Variants in GPHN observed in about 807,000 individuals in gnomAD.
The protein encoded by GPHN is gephyrin.
A neutral mutation model predicts 95.5 loss-of-function variants in GPHN; 17 were observed. The ratio of observed to expected loss-of-function variants is 0.18; its 90% CI spans 0.12 to 0.27. The LOEUF is 0.27. Among genes scored for constraint, GPHN ranks in the 10% least tolerant of loss-of-function variants. GPHN has a pLI of 1.00. For synonymous variants in GPHN, 320 were observed against 322.5 expected (o/e 0.99, Z 0.08); for missense variants, 660 against 978.1 (o/e 0.67, Z 4.34).
At position 66,802,301 on chromosome 14, in the gene GPHN, C is replaced by A. The variant is rs146293810; in HGVS notation, c.202-22173C>A. Reference sequence around the variant, plus strand: ...CTACCTCAGATATTTCCTTAAGGCCCAAAGGCTCTTCTATCAGTCTGTGGT... The same window carrying A: ...CTACCTCAGATATTTCCTTAAGGCCAAAAGGCTCTTCTATCAGTCTGTGGT... On this transcript the variant is annotated intron_variant, in intron 3 of 22. Coordinates refer to ENST00000478722, the MANE Select transcript of GPHN (RefSeq NM_020806.5). 5.3e-5 allele frequency among the ~76,000 whole-genome samples: 8 copies of A among 152,268 alleles called. No homozygotes were observed. The East Asian group carries it at 1.5e-3, about 29-fold the overall frequency.
At chr14:66,760,594 C>A in intron 2 of GPHN, 3 of 386,462 alleles carry the variant, frequency 7.8e-6, no homozygotes, top group South Asian at 4.5e-5. Context: ...GCATGATGTT[C>A]ATCCACAATG....
intron 2 of GPHN, among the ~76,000 whole-genome samples, chr14:66,719,257 A>G (rs751343931): frequency 1.3e-5 from 2 of 152,174 alleles, no homozygotes; most frequent in Non-Finnish European, 2.9e-5. Flanking sequence ...AGATCCCTGT[A>G]ATGCCAGACA....
chr14:67,508,054 C>T, the GPHN span, among the ~76,000 whole-genome samples: 7 of 151,280 alleles, frequency 4.6e-5, no homozygotes, highest in South Asian at 1.5e-3. Flanking sequence ...AGGAGAATTG[C>T]TTGAACCCGG....
the GPHN span, among the ~76,000 whole-genome samples, chr14:67,699,237 G>A: frequency 2.0e-5 from 3 of 150,502 alleles, no homozygotes; most frequent in Non-Finnish European, 4.4e-5. Context: ...TGGGCGACAA[G>A]AGCGAGACTC....
the GPHN span, among the ~76,000 whole-genome samples, chr14:67,541,474 C>T: frequency 6.6e-6 from 1 of 152,244 alleles, no homozygotes; most frequent in African/African-American, 2.4e-5. Context: ...GTGCAGAGCA[C>T]AGGGTCAGGC....
chr14:66,873,963 C>A (rs1432993413), intron 4 of GPHN, among the ~76,000 whole-genome samples: 1 of 152,210 alleles, frequency 6.6e-6, no homozygotes, highest in East Asian at 1.9e-4. Context: ...GACTAGGAAA[C>A]ACCTCCCAGC....
At chr14:66,576,808 T>A (rs914896546) in intron 1 of GPHN, among the ~76,000 whole-genome samples, 1 of 152,232 alleles carries the variant, frequency 6.6e-6, no homozygotes, top group African/African-American at 2.4e-5. Flanking sequence ...CTGTATTTAA[T>A]TACTGAAAGA....
chr14:67,300,106 C>T, the GPHN span, among the ~76,000 whole-genome samples: 1 of 152,002 alleles, frequency 6.6e-6, no homozygotes, highest in African/African-American at 2.4e-5. Flanking sequence ...TTTGCTGTGC[C>T]GTCCTGTTTA....
chr14:67,642,802 T>TC, the GPHN span, among the ~76,000 whole-genome samples: 2 of 124,706 alleles, frequency 1.6e-5, no homozygotes, highest in East Asian at 4.7e-4. Context: ...TCTTTTTTTT[T>TC]TTTTTTTTTT....
At chr14:66,919,810 T>C (rs1412637710) in intron 6 of GPHN, among the ~76,000 whole-genome samples, 1 of 152,086 alleles carries the variant, frequency 6.6e-6, no homozygotes, top group Non-Finnish European at 1.5e-5. Flanking sequence ...CTCAGGTCTG[T>C]AATCCCAGCA....
chr14:67,341,335 A>G, the GPHN span, among the ~76,000 whole-genome samples: 4 of 149,548 alleles, frequency 2.7e-5, no homozygotes, highest in Admixed American at 1.3e-4. Context: ...CCCGTCTGAG[A>G]AGTGAGGAGA....
intron 4 of GPHN, among the ~76,000 whole-genome samples, chr14:66,845,809 A>C (rs1034354339): frequency 4.1e-5 from 6 of 147,610 alleles, no homozygotes; most frequent in African/African-American, 1.6e-4. Context: ...TAATGTGCAC[A>C]TACATGCCTC....
At chr14:67,196,248 C>CTTTTTTTTTTTTTTTTT in the GPHN span, among the ~76,000 whole-genome samples, 1 of 137,448 alleles carries the variant, frequency 7.3e-6, no homozygotes, top group Non-Finnish European at 1.6e-5. Context: ...TGGAGTTTTG[C>CTTTTTTTTTTTTTTTTT]TCTTGTCGCC....
chr14:67,581,554 C>A, the GPHN span: 1 of 166,068 alleles, frequency 6.0e-6, no homozygotes, highest in Admixed American at 5.6e-5. Context: ...GAAAATAGAC[C>A]AACCTCATGG....
the GPHN span, among the ~76,000 whole-genome samples, chr14:67,396,745 A>G: frequency 6.6e-6 from 1 of 152,190 alleles, no homozygotes; most frequent in East Asian, 1.9e-4. Flanking sequence ...TTTCCTCTTC[A>G]GGGATAAAGG....
At chr14:66,699,248 C>T (rs974218634) in intron 2 of GPHN, among the ~76,000 whole-genome samples, 2 of 151,922 alleles carry the variant, frequency 1.3e-5, no homozygotes, top group African/African-American at 4.8e-5. Context: ...ATATCTAATG[C>T]TAAATGATGA....
At chr14:67,079,368 T>A (rs965253060) in intron 11 of GPHN, among the ~76,000 whole-genome samples, 2 of 152,044 alleles carry the variant, frequency 1.3e-5, no homozygotes, top group African/African-American at 4.8e-5. Flanking sequence ...TTAGAACATT[T>A]TCATTAATTC....
chr14:67,174,009 A>G (rs2082752307), intron 21 of GPHN, among the ~76,000 whole-genome samples: 1 of 152,230 alleles, frequency 6.6e-6, no homozygotes, highest in Admixed American at 6.5e-5. Flanking sequence ...TGAAGGGGAA[A>G]AAAAGAAATA....
chr14:67,201,454 T>TCTAAAA, the GPHN span: 1 of 456,048 alleles, frequency 2.2e-6, no homozygotes, highest in Non-Finnish European at 4.4e-6. Context: ...GGGCCTCACA[T>TCTAAAA]CTAAACAGGA....
Sources: allele counts gnomAD v4.1 joint callset (sites outside exome capture counted in the v4.1 genomes callset), GRCh38; gene constraint gnomAD v4.1.1; transcripts MANE v1.5; gene names NCBI Gene and HGNC (gene_info 2026-07-23, HGNC 2026-07-21).